Variants in RBFOX3 observed in about 807,000 individuals in gnomAD.
RBFOX3 encodes the protein RNA binding protein fox-1 homolog 3.
In RBFOX3, 17 loss-of-function variants were observed where a neutral mutation model predicts 48.7. The ratio of observed to expected loss-of-function variants is 0.35; its 90% CI spans 0.24 to 0.52. The LOEUF is 0.52. Among genes scored for constraint, RBFOX3 ranks in the 20% least tolerant of loss-of-function variants. The probability of loss-of-function intolerance (pLI) is 0.94; values close to 1 mark genes in which losing one functional copy is unlikely to be tolerated. For missense variants in RBFOX3, 382 were observed against 497.5 expected (o/e 0.77, Z 2.21); for synonymous variants, 212 against 209.5 (o/e 1.01, Z -0.10).
intron 4 of RBFOX3, among the ~76,000 whole-genome samples, chr17:79,125,784 G>C (rs148254439): frequency 1.3e-5 from 2 of 152,194 alleles, no homozygotes; most frequent in East Asian, 3.9e-4. Flanking sequence ...GGCTGGTGGC[G>C]AGGCTGGGCA....
intron 2 of RBFOX3, among the ~76,000 whole-genome samples, chr17:79,440,670 G>A (rs1005622962): frequency 1.3e-5 from 2 of 152,142 alleles, no homozygotes; most frequent in Non-Finnish European, 2.9e-5. Flanking sequence ...CCCCAACTGT[G>A]AGAAAGCCTC....
chr17:79,214,543 C>T lies in RBFOX3; in HGVS notation c.-34+21223G>A, dbSNP rs748281731. Among the ~76,000 whole-genome samples the T allele has an allele frequency of 4.0e-5, 6 of 150,492 alleles. No homozygotes were observed. The highest frequency in any genetic ancestry group is 8.9e-5 in the Non-Finnish European group (6 of 67,556). ...GAGAAGAGGGGCTCCCTGGGGCAGGCCAAGTGGGAGGGATGTCTGGGGGGG... is the reference window on the plus strand; with the variant it reads ...GAGAAGAGGGGCTCCCTGGGGCAGGTCAAGTGGGAGGGATGTCTGGGGGGG... On this transcript the variant is annotated intron_variant, in intron 4 of 14. Coordinates refer to ENST00000693108, the MANE Select transcript of RBFOX3 (RefSeq NM_001350451.2). The surrounding 1 kb of genome is among the most constrained non-coding windows in gnomAD (Gnocchi z 4.7).
rs929660345 is a variant in RBFOX3, at chr17:79,299,630, C to T, written c.-74+8094G>A. On this transcript the variant is annotated intron_variant, in intron 3 of 14. Coordinates refer to ENST00000693108, the MANE Select transcript of RBFOX3 (RefSeq NM_001350451.2). The surrounding 1 kb of genome is among the most constrained non-coding windows in gnomAD (Gnocchi z 4.5). ...CAGATCGTGGGGTTTTTGGAACTAA[C>T]CCCCTGAGGATACCAACGGACAACT... Among the ~76,000 whole-genome samples the T allele has an allele frequency of 2.6e-5, 4 of 152,104 alleles. No individual in the cohort carries two copies. The highest frequency in any genetic ancestry group is 4.8e-5 in the African/African-American group (2 of 41,422).
chr17:79,405,915 T>G (rs1449541306), intron 2 of RBFOX3, among the ~76,000 whole-genome samples: 1 of 152,198 alleles, frequency 6.6e-6, no homozygotes, highest in East Asian at 1.9e-4. Flanking sequence ...GTTTTCCCTG[T>G]CCTAGAACTT....
At chr17:79,534,868 G>A (rs545288610) in intron 1 of RBFOX3, among the ~76,000 whole-genome samples, 10 of 152,296 alleles carry the variant, frequency 6.6e-5, no homozygotes, top group South Asian at 4.2e-4. Context: ...GGAGATCGTC[G>A]CCCCCTCGGA....
Position 79,103,354 on chromosome 17 carries a change from G to T in RBFOX3, c.415-100C>A, listed in dbSNP as rs1326541695. On this transcript the variant is annotated intron_variant, in intron 7 of 14. Coordinates refer to ENST00000693108, the MANE Select transcript of RBFOX3 (RefSeq NM_001350451.2). The surrounding 1 kb of genome is among the most constrained non-coding windows in gnomAD (Gnocchi z 6.1). ...GAAGAGGAGTGGGAGGGGGGCAGGGGAGTGGGGAGAGAGAGAGAAGGGGTT... is the reference window on the plus strand; with the variant it reads ...GAAGAGGAGTGGGAGGGGGGCAGGGTAGTGGGGAGAGAGAGAGAAGGGGTT... 1.2e-5 allele frequency: 9 copies of T among 779,308 alleles called. No individual in the cohort carries two copies. In the Admixed American group the frequency reaches 1.7e-4, roughly 14 times the overall value. 48.3% of individuals were successfully genotyped at this position (779,308 alleles called of 1,614,324 possible). A position where few individuals can be genotyped will look rare whatever the true frequency, so the allele number is the denominator to read the frequency against.
the RBFOX3 span, among the ~76,000 whole-genome samples, chr17:79,647,842 C>T: frequency 6.6e-6 from 1 of 152,170 alleles, no homozygotes; most frequent in Admixed American, 6.5e-5. Flanking sequence ...TCTCCCACCT[C>T]CAGGGCCAGT....
Position 79,089,529 on chromosome 17 carries a change from CAG to C in RBFOX3, c.*1352_*1353del, listed in dbSNP as rs1012020732. On this transcript the variant is annotated 3_prime_UTR_variant, in exon 15 of 15. Coordinates refer to ENST00000693108, the MANE Select transcript of RBFOX3 (RefSeq NM_001350451.2). ...AAAGGGTCCGGAACAGCAGAGGGGA[CAG>C]GGGGCTCTGTACAGAGGACAAAGCC... The C allele has an allele frequency of 9.8e-5, 15 of 152,768 alleles. No homozygotes were observed. The highest frequency in any genetic ancestry group is 2.1e-4 in the South Asian group (1 of 4,864). 9.5% of individuals were successfully genotyped at this position (152,768 alleles called of 1,614,324 possible).
rs1030787423 is a variant in RBFOX3, at chr17:79,195,216, T to C, written c.-34+40550A>G. Among the ~76,000 whole-genome samples, 8 of 152,106 alleles carry C rather than the reference T, an allele frequency of 5.3e-5. No individual in the cohort carries two copies. Among genetic ancestry groups the C allele is most frequent in the Non-Finnish European group, 8.8e-5 (6 of 68,018 alleles). ...TTCGAGACCAGCCTGGTCAACATGG[T>C]GAAACCCTGTTTCTACTAAAAATAC... On this transcript the variant is annotated intron_variant, in intron 4 of 14. Transcript: ENST00000693108. The surrounding 1 kb of genome is among the most constrained non-coding windows in gnomAD (Gnocchi z 5.3).
chr17:79,129,371 C>CATTCTAACCTAG (rs1211239472), intron 4 of RBFOX3, among the ~76,000 whole-genome samples: 1 of 104,600 alleles, frequency 9.6e-6, no homozygotes, highest in African/African-American at 3.2e-5. Flanking sequence ...GAACCACCTG[C>CATTCTAACCTAG]TGCTACCTGA....
At chr17:79,463,867 G>T (rs1470109745) in intron 2 of RBFOX3, among the ~76,000 whole-genome samples, 1 of 126,268 alleles carries the variant, frequency 7.9e-6, no homozygotes, top group Non-Finnish European at 1.6e-5. Flanking sequence ...CCTCCCCATC[G>T]CCACTGCCAC....
intron 2 of RBFOX3, among the ~76,000 whole-genome samples, chr17:79,469,713 ATCTG>A (rs1383557370): frequency 6.6e-6 from 1 of 152,146 alleles, no homozygotes; most frequent in Admixed American, 6.5e-5. Context: ...GGATGGGGTG[ATCTG>A]AGCTAAGAGA....
At chr17:79,337,235 G>A (rs1486008617) in intron 2 of RBFOX3, among the ~76,000 whole-genome samples, 1 of 151,986 alleles carries the variant, frequency 6.6e-6, no homozygotes, top group East Asian at 1.9e-4. Flanking sequence ...CTTTTCAAAG[G>A]AAACATTGTG....
intron 2 of RBFOX3, among the ~76,000 whole-genome samples, chr17:79,446,051 TG>T (rs1191576614): frequency 1.3e-5 from 2 of 152,162 alleles, no homozygotes; most frequent in African/African-American, 4.8e-5. Context: ...CATGAGAGAA[TG>T]GTCCCCCGAC....
chr17:79,100,609 C>T (rs1172748824), intron 9 of RBFOX3, among the ~76,000 whole-genome samples: 1 of 152,272 alleles, frequency 6.6e-6, no homozygotes, highest in East Asian at 1.9e-4. Context: ...CCATGAGAGG[C>T]TGGGGGTGAC....
rs1243526434 is a variant in RBFOX3, at chr17:79,610,970, C to CGGCAGCTGT, written c.-473_-465dup. ...AGGGGCGCGCGAGGCCGGGCTCGGG[C>CGGCAGCTGT]GGCAGCTGTGGCAGCTGCTTCTCCT... On this transcript the variant is annotated 5_prime_UTR_variant, in exon 1 of 15. Transcript: ENST00000693108. Among the ~76,000 whole-genome samples, 1 of 151,128 alleles carries CGGCAGCTGT rather than the reference C, an allele frequency of 6.6e-6. No homozygotes were observed. Among genetic ancestry groups the CGGCAGCTGT allele is most frequent in the East Asian group, 2.0e-4 (1 of 5,104 alleles).
intron 2 of RBFOX3, among the ~76,000 whole-genome samples, chr17:79,435,597 T>G (rs1041219281): frequency 1.3e-5 from 2 of 152,230 alleles, no homozygotes; most frequent in Admixed American, 1.3e-4. Flanking sequence ...AGGAAATCCC[T>G]GCAACAGAGC....
At chr17:79,541,175 GAA>G (rs112200066) in intron 1 of RBFOX3, among the ~76,000 whole-genome samples, 3 of 143,380 alleles carry the variant, frequency 2.1e-5, no homozygotes, top group African/African-American at 7.6e-5. Flanking sequence ...TCCAGCACTG[GAA>G]AAAAAAAAAG....
intron 4 of RBFOX3, among the ~76,000 whole-genome samples, chr17:79,167,055 C>T (rs898481907): frequency 3.9e-5 from 6 of 152,200 alleles, no homozygotes; most frequent in Admixed American, 6.5e-5. Flanking sequence ...CCCGGCAAGG[C>T]GGGCACGTCA....
Sources: gnomAD v4.1 joint callset for allele counts (sites outside exome capture counted in the v4.1 genomes callset) on GRCh38, gnomAD v4.1.1 for gene constraint, Gnocchi (gnomAD v3.1) non-coding constraint, MANE v1.5 for transcripts, NCBI Gene and HGNC (gene_info 2026-07-23, HGNC 2026-07-21) for gene names.